The following KIAA1549L variants were observed in gnomAD, a reference collection of about 807,000 sequenced individuals.
The protein encoded by KIAA1549L is KIAA1549 like.
A neutral mutation model predicts 160.7 loss-of-function variants in KIAA1549L; 88 were observed. That is an observed-to-expected ratio of 0.55 (90% confidence interval 0.46 to 0.65). The LOEUF (loss-of-function observed/expected upper bound fraction) is 0.65. Ranked by LOEUF, KIAA1549L falls within the 30% of genes least tolerant of loss-of-function variation. The probability of loss-of-function intolerance (pLI) is 0.00; values close to 1 mark genes in which losing one functional copy is unlikely to be tolerated. For missense variants in KIAA1549L, 2,258 were observed against 2,437.5 expected (o/e 0.93, Z 1.55); for synonymous variants, 950 against 976.7 (o/e 0.97, Z 0.51).
chr11:33,584,441 G>A (rs1298910648), intron 11 of KIAA1549L, among the ~76,000 whole-genome samples: 21 of 152,202 alleles, frequency 1.4e-4, no homozygotes, highest in African/African-American at 5.1e-4. Context: ...ACCCACTGCG[G>A]CCTCCACATC....
rs768851292 is a variant in KIAA1549L, at chr11:33,545,144, G to A, written c.3151G>A (p.Gly1051Ser). 28 of 1,613,772 alleles carry A rather than the reference G, an allele frequency of 1.7e-5. 1 individual carries two copies. Among genetic ancestry groups the A allele is most frequent in the African/African-American group, 4.0e-5 (3 of 74,850 alleles). The change falls in exon 3 of 21, where the codon GGC (glycine) becomes AGC (serine). Residue 1051 changes from glycine (G) to serine (S), a missense_variant. Gly to Ser is a moderately conservative substitution (Grantham distance 56). This residue lies in a region of KIAA1549L where 1,359 missense variants were observed against 1,546.6 expected (regional missense o/e 0.88). Transcript: ENST00000658780. Reference sequence around the variant, plus strand: ...CAGGAAACCACAAGCCATGCACACCGGCCTCCCAAACCCCACCAACCTGGA... The same window carrying A: ...CAGGAAACCACAAGCCATGCACACCAGCCTCCCAAACCCCACCAACCTGGA... ...LPRKPQAMHT[G>S]LPNPTNLEMP...
chr11:33,504,810 A>G (rs1853042072), intron 1 of KIAA1549L, among the ~76,000 whole-genome samples: 1 of 152,018 alleles, frequency 6.6e-6, no homozygotes, highest in Admixed American at 6.6e-5. Flanking sequence ...TCTGTTACCT[A>G]TGCTGGAGTG....
chr11:33,645,909 C>T lies in KIAA1549L; in HGVS notation c.5633C>T (p.Ser1878Leu), dbSNP rs780971938. 13 of 1,613,532 alleles carry T rather than the reference C, an allele frequency of 8.1e-6. No homozygotes were observed. Among genetic ancestry groups the T allele is most frequent in the Middle Eastern group, 1.7e-4 (1 of 6,058 alleles). The change falls in exon 17 of 21, where the codon TCA becomes TTA. Residue 1878 changes from serine (S) to leucine (L), a missense_variant. Transcript: ENST00000658780. ...AGCCGGCACCAAGAGGCCTACGGCT[C>T]AGCCCAGCACCTGCCCTATTCGGAG... Reference protein sequence around the residue: ...GQSRHQEAYGSAQHLPYSEVV... With the variant: ...GQSRHQEAYGLAQHLPYSEVV...
At chr11:33,465,587 G>A (rs1852040502) in intron 1 of KIAA1549L, among the ~76,000 whole-genome samples, 1 of 152,110 alleles carries the variant, frequency 6.6e-6, no homozygotes, top group African/African-American at 2.4e-5. Context: ...AAATTTATAT[G>A]CCAATATGAA....
At chr11:33,550,485 C>T (rs998881166) in intron 4 of KIAA1549L, among the ~76,000 whole-genome samples, 2 of 152,144 alleles carry the variant, frequency 1.3e-5, no homozygotes, top group Non-Finnish European at 2.9e-5. Context: ...ATTCAGCTGT[C>T]AGAGAAATTC....
intron 1 of KIAA1549L, among the ~76,000 whole-genome samples, chr11:33,443,370 G>T (rs1275447533): frequency 6.6e-6 from 1 of 151,998 alleles, no homozygotes; most frequent in Non-Finnish European, 1.5e-5. Context: ...TATCTGTGGG[G>T]ATTGTTAGAG....
Position 33,542,199 on chromosome 11 carries a change from A to C in KIAA1549L, c.636A>C (p.Thr212=). The C allele has an allele frequency of 3.1e-6, 2 of 642,292 alleles. No individual in the cohort carries two copies. Among genetic ancestry groups the C allele is most frequent in the Non-Finnish European group, 2.9e-6 (1 of 345,718 alleles). The allele number at this position is 642,292 out of a possible 1,614,324, so 39.8% of individuals were successfully genotyped here. Residue 212 remains threonine (T), a synonymous_variant, in exon 2 of 21, where the codon ACA becomes ACC. Transcript: ENST00000658780. ...CGTTGTCCACAGTCCCATCAGGGAC[A>C]TCCTTCAGTGCTGTCCCCCCATCCC... ...LPSLSTVPSG[T]SFSAVPPSQP...
intron 16 of KIAA1549L, among the ~76,000 whole-genome samples, chr11:33,628,913 T>G (rs547576250): frequency 0.026 from 3,982 of 150,840 alleles, 170 homozygotes; most frequent in African/African-American, 0.089. Flanking sequence ...TGATTTTGCA[T>G]CGGCTGGTAC....
At chr11:33,472,541 C>A (rs1565150752) in intron 1 of KIAA1549L, among the ~76,000 whole-genome samples, 1 of 152,092 alleles carries the variant, frequency 6.6e-6, no homozygotes, top group Non-Finnish European at 1.5e-5. Context: ...ACATACCTAG[C>A]TAATATTGGA....
At chr11:33,631,437 C>T (rs777403016) in intron 16 of KIAA1549L, among the ~76,000 whole-genome samples, 27 of 152,208 alleles carry the variant, frequency 1.8e-4, no homozygotes, top group Non-Finnish European at 2.6e-4. Flanking sequence ...TCAGCCTCCT[C>T]GCTGTTAACA....
intron 1 of KIAA1549L, among the ~76,000 whole-genome samples, chr11:33,445,706 C>T (rs2132957209): frequency 6.6e-6 from 1 of 152,350 alleles, no homozygotes; most frequent in Middle Eastern, 3.4e-3. Flanking sequence ...CTTTGTGCTT[C>T]AGTTCCCTCA....
At chr11:33,484,521 T>A (rs1033934218) in intron 1 of KIAA1549L, among the ~76,000 whole-genome samples, 15 of 152,344 alleles carry the variant, frequency 9.8e-5, no homozygotes, top group African/African-American at 1.9e-4. Context: ...GTTACTTAAT[T>A]CCTGTGTAAC....
At chr11:33,493,567 G>C (rs1364520145) in intron 1 of KIAA1549L, among the ~76,000 whole-genome samples, 1 of 152,176 alleles carries the variant, frequency 6.6e-6, no homozygotes, top group Non-Finnish European at 1.5e-5. Flanking sequence ...GAGTCATGTG[G>C]AGTGTTTCCT....
intron 16 of KIAA1549L, among the ~76,000 whole-genome samples, chr11:33,631,984 C>T (rs963350143): frequency 2.0e-5 from 3 of 152,196 alleles, no homozygotes; most frequent in African/African-American, 7.2e-5. Flanking sequence ...GTTTCTAGCT[C>T]TGAGCCAAAT....
At chr11:33,546,448 C>T (rs560284984) in intron 3 of KIAA1549L, among the ~76,000 whole-genome samples, 3 of 152,142 alleles carry the variant, frequency 2.0e-5, no homozygotes, top group South Asian at 2.1e-4. Context: ...AACCCAGCTA[C>T]ATCTAATCAA....
intron 1 of KIAA1549L, among the ~76,000 whole-genome samples, chr11:33,397,858 GTTTA>G (rs969103115): frequency 4.5e-5 from 5 of 110,652 alleles, no homozygotes; most frequent in African/African-American, 1.3e-4. Context: ...AGTTTTTTTT[GTTTA>G]TTTGTTTTTT....
chr11:33,661,063 G>A (rs781053034), intron 20 of KIAA1549L, 49 bp downstream of exon 20: 1 of 1,522,892 alleles, frequency 6.6e-7, no homozygotes, highest in Non-Finnish European at 8.9e-7. Context: ...CTTAACACAT[G>A]CCAAAAAGTA....
In KIAA1549L at chr11:33,545,316, C is replaced by A. The variant is rs774799305; in HGVS notation, c.3323C>A (p.Thr1108Lys). Residue 1108 changes from threonine to lysine, a missense_variant, in exon 3 of 21, where the codon ACG becomes AAG. Transcript: ENST00000658780. The part of the protein sequence containing the change: ...VLPAASAAVV[T>K]TGKMASNLEC... ...CCTGCTGCATCGGCTGCAGTGGTCA[C>A]GACTGGCAAAATGGCATCCAACCTG... 5.0e-6 allele frequency: 8 copies of A among 1,613,478 alleles called. No homozygotes were observed. The East Asian group carries it at 1.6e-4, about 31-fold the overall frequency.
At chr11:33,630,725 A>G (rs556881286) in intron 16 of KIAA1549L, among the ~76,000 whole-genome samples, 3,204 of 151,708 alleles carry the variant, frequency 0.021, 131 homozygotes, top group African/African-American at 0.073. Flanking sequence ...ATAGAAATGC[A>G]GAAATCACCC....
Sources: gnomAD v4.1 joint callset for allele counts (sites outside exome capture counted in the v4.1 genomes callset) on GRCh38, gnomAD v4.1.1 for gene constraint, gnomAD v4.1.1 regional missense constraint, MANE v1.5 for transcripts, NCBI Gene and HGNC (gene_info 2026-07-23, HGNC 2026-07-21) for gene names.